MMP16: variants seen among roughly 807,000 people sequenced by gnomAD.
MMP16 encodes the protein matrix metalloproteinase-16.
A neutral mutation model predicts 67.8 loss-of-function variants in MMP16; 12 were observed. The ratio of observed to expected loss-of-function variants is 0.18; its 90% CI spans 0.11 to 0.29. The LOEUF (loss-of-function observed/expected upper bound fraction) is 0.29. Among genes scored for constraint, MMP16 ranks in the 10% least tolerant of loss-of-function variants. The probability of loss-of-function intolerance (pLI) is 1.00; values close to 1 mark genes in which losing one functional copy is unlikely to be tolerated. For synonymous variants in MMP16, 249 were observed against 255.9 expected (o/e 0.97, Z 0.26); for missense variants, 475 against 765.7 (o/e 0.62, Z 4.48).
At chr8:88,312,558 C>A (rs998501262) in intron 1 of MMP16, among the ~76,000 whole-genome samples, 7 of 152,150 alleles carry the variant, frequency 4.6e-5, no homozygotes, top group Non-Finnish European at 8.8e-5. Flanking sequence ...GGAAAATTAA[C>A]ATATCCATTA....
intron 1 of MMP16, among the ~76,000 whole-genome samples, chr8:88,246,220 G>A (rs190028193): frequency 6.6e-6 from 1 of 152,240 alleles, no homozygotes; most frequent in East Asian, 1.9e-4. Flanking sequence ...ATTAATGGTA[G>A]AAAATCTGTG....
At chr8:88,258,606 T>G (rs550170432) in intron 1 of MMP16, among the ~76,000 whole-genome samples, 3 of 152,332 alleles carry the variant, frequency 2.0e-5, no homozygotes, top group Admixed American at 2.0e-4. Flanking sequence ...AAATGTTTTA[T>G]GTGATAGCCA....
chr8:88,104,809 T>C (rs547994285), intron 6 of MMP16, among the ~76,000 whole-genome samples: 10 of 151,532 alleles, frequency 6.6e-5, no homozygotes, highest in African/African-American at 2.2e-4. Flanking sequence ...TGACACTATG[T>C]AGGCCTAAGC....
chr8:88,170,679 G>A (rs1218464883), intron 3 of MMP16, among the ~76,000 whole-genome samples: 1 of 152,150 alleles, frequency 6.6e-6, no homozygotes, highest in Non-Finnish European at 1.5e-5. Flanking sequence ...AGATGGTGAG[G>A]GGGTGAGGAG....
rs1215219645 is a variant in MMP16 at position 88,036,264 on chromosome 8, C to G, written c.*5197G>C. On this transcript the variant is annotated 3_prime_UTR_variant, in exon 10 of 10. Transcript: ENST00000286614. ...ACATTGATATATCACATAATCATCACTAGTGCAAAGAGCTTGAAGTTGGAT... is the reference window on the plus strand; with the variant it reads ...ACATTGATATATCACATAATCATCAGTAGTGCAAAGAGCTTGAAGTTGGAT... The G allele has an allele frequency of 3.3e-5, 5 of 151,980 alleles. No homozygotes were observed. Among genetic ancestry groups the G allele is most frequent in the South Asian group, 2.1e-4 (1 of 4,828 alleles). 9.4% of individuals were successfully genotyped at this position (151,980 alleles called of 1,614,324 possible). A position where few individuals can be genotyped will look rare whatever the true frequency, so the allele number is the denominator to read the frequency against.
intron 1 of MMP16, among the ~76,000 whole-genome samples, chr8:88,206,348 T>A (rs1809426293): frequency 6.6e-6 from 1 of 152,078 alleles, no homozygotes. Context: ...TAAAAAAAAA[T>A]AAATTCCCAG....
chr8:88,090,982 C>T (rs1308841141), intron 6 of MMP16, among the ~76,000 whole-genome samples: 1 of 151,806 alleles, frequency 6.6e-6, no homozygotes, highest in Non-Finnish European at 1.5e-5. Context: ...TCTTTTCTTT[C>T]TCTTTCCTAT....
rs1455572660 is a variant in MMP16 at position 88,058,796 on chromosome 8, A to G, written c.1223-2518T>C. 6.6e-6 allele frequency among the ~76,000 whole-genome samples: 1 copy of G among 152,140 alleles called. No homozygotes were observed. Among genetic ancestry groups the G allele is most frequent in the Non-Finnish European group, 1.5e-5 (1 of 67,986 alleles). On this transcript the variant is annotated intron_variant, in intron 7 of 9. Transcript: ENST00000286614. The surrounding 1 kb of genome is among the most constrained non-coding windows in gnomAD (Gnocchi z 4.2). ...ATCATGTAACCCCTGTAGGAGTTGA[A>G]CTTTATTCTAAATGAAATAGGAAGT... is the stretch of plus-strand genomic sequence containing the variant.
chr8:88,308,743 A>T (rs1811249750), intron 1 of MMP16, among the ~76,000 whole-genome samples: 1 of 152,130 alleles, frequency 6.6e-6, no homozygotes, highest in Non-Finnish European at 1.5e-5. Context: ...AACATAATAC[A>T]AAACTGAAAG....
chr8:88,071,832 C>A (rs933192528), intron 7 of MMP16, among the ~76,000 whole-genome samples: 1 of 152,046 alleles, frequency 6.6e-6, no homozygotes, highest in Non-Finnish European at 1.5e-5. Flanking sequence ...TAGAACACAA[C>A]ACACACAAAA....
chr8:88,142,713 A>G (rs2118505143), intron 4 of MMP16, among the ~76,000 whole-genome samples: 1 of 152,184 alleles, frequency 6.6e-6, no homozygotes, highest in African/African-American at 2.4e-5. Flanking sequence ...TTATTTTAAT[A>G]TTTATTATTT....
chr8:88,095,845 T>C (rs1809017522), intron 6 of MMP16, among the ~76,000 whole-genome samples: 1 of 151,902 alleles, frequency 6.6e-6, no homozygotes, highest in African/African-American at 2.4e-5. Context: ...ATAACTATTT[T>C]CCACCTCCAA....
At chr8:88,145,985 G>T (rs1019348605) in intron 4 of MMP16, among the ~76,000 whole-genome samples, 3 of 151,962 alleles carry the variant, frequency 2.0e-5, no homozygotes, top group African/African-American at 7.2e-5. Flanking sequence ...AACACCAATA[G>T]TGCTGAGGTT....
At chr8:88,200,023 G>A (rs749079298) in intron 1 of MMP16, among the ~76,000 whole-genome samples, 1 of 151,962 alleles carries the variant, frequency 6.6e-6, no homozygotes, top group Non-Finnish European at 1.5e-5. Context: ...AAAGCCCTTA[G>A]CATAATTCTT....
intron 1 of MMP16, among the ~76,000 whole-genome samples, chr8:88,210,172 C>T (rs1261580816): frequency 3.3e-5 from 5 of 152,118 alleles, no homozygotes; most frequent in South Asian, 2.1e-4. Flanking sequence ...ACCCAGTCTA[C>T]GACACTTTTT....
rs1809112649 is a variant in MMP16 at position 88,100,019 on chromosome 8, T to G, written c.1083+16488A>C. Among the ~76,000 whole-genome samples the G allele has an allele frequency of 2.0e-5, 3 of 151,836 alleles. No individual in the cohort carries two copies. In the South Asian group the frequency reaches 6.2e-4, roughly 32 times the overall value. ...TGTCAGATGAGTAGATTGCAAAAAT[T>G]TTCTCCCATTCTGTAGGTTGCCTGT... is the stretch of plus-strand genomic sequence containing the variant. On this transcript the variant is annotated intron_variant, in intron 6 of 9. Transcript: ENST00000286614.
Position 88,118,619 on chromosome 8 carries a change from C to A in MMP16, c.871+81G>T. Reference sequence around the variant, plus strand: ...GTAGTCATCTGTGTTATACTTAGAGCATCTATCTCAAAGAAGAAAACACAG... The same window carrying A: ...GTAGTCATCTGTGTTATACTTAGAGAATCTATCTCAAAGAAGAAAACACAG... On this transcript the variant is annotated intron_variant, in intron 5 of 9. Coordinates refer to ENST00000286614, the MANE Select transcript of MMP16 (RefSeq NM_005941.5). 3 of 1,248,352 alleles carry A rather than the reference C, an allele frequency of 2.4e-6. No homozygotes were observed. The South Asian group carries it at 4.0e-5, about 16-fold the overall frequency. The allele number at this position is 1,248,352 out of a possible 1,614,324, so 77.3% of individuals were successfully genotyped here.
chr8:88,157,252 T>TA (rs900631310), intron 4 of MMP16, among the ~76,000 whole-genome samples: 1 of 152,114 alleles, frequency 6.6e-6, no homozygotes, highest in Non-Finnish European at 1.5e-5. Context: ...CCTTATTCTC[T>TA]AAAAAATTAC....
chr8:88,162,759 ACTTTCC>A (rs1808650424), intron 4 of MMP16, among the ~76,000 whole-genome samples: 1 of 151,800 alleles, frequency 6.6e-6, no homozygotes, highest in Non-Finnish European at 1.5e-5. Context: ...AGTGTGTAGC[ACTTTCC>A]CTTCACTCTC....
Sources: allele counts gnomAD v4.1 joint callset (sites outside exome capture counted in the v4.1 genomes callset), GRCh38; gene constraint gnomAD v4.1.1; non-coding constraint Gnocchi (gnomAD v3.1); transcripts MANE v1.5; gene names NCBI Gene and HGNC (gene_info 2026-07-23, HGNC 2026-07-21).